Variants in PSD3 observed in about 807,000 individuals in gnomAD.
The protein encoded by PSD3 is PH and SEC7 domain-containing protein 3.
A neutral mutation model predicts 105.5 loss-of-function variants in PSD3; 49 were observed. The ratio of observed to expected loss-of-function variants is 0.46; its 90% CI spans 0.37 to 0.59. The LOEUF is 0.59. PSD3 is among the 20% of genes least tolerant of loss of function. The pLI is 0.00. For missense variants in PSD3, 1,561 were observed against 1,263.8 expected (o/e 1.24, Z -3.57); for synonymous variants, 557 against 457.8 (o/e 1.22, Z -2.77).
At chr8:18,973,847 T>G (rs1824786036) in intron 1 of PSD3, among the ~76,000 whole-genome samples, 1 of 152,234 alleles carries the variant, frequency 6.6e-6, no homozygotes, top group Non-Finnish European at 1.5e-5. Flanking sequence ...GGACTTACTA[T>G]GAACCAAACT....
rs111705184 is a variant in PSD3 at position 18,601,099 on chromosome 8, C to A, written c.2411-665G>T. Among the ~76,000 whole-genome samples the A allele has an allele frequency of 7.8e-3, 1,182 of 152,216 alleles. 17 individuals are homozygous for A. Among genetic ancestry groups the A allele is most frequent in the African/African-American group, 0.027 (1,136 of 41,524 alleles). On this transcript the variant is annotated intron_variant, in intron 11 of 15. Coordinates refer to ENST00000327040, the MANE Select transcript of PSD3 (RefSeq NM_015310.4). ...AGAATTCACCAAATCGAGTATACTG[C>A]AAGACAGACATTAAACACAATCATA...
At chr8:18,791,743 C>T (rs566789150) in intron 8 of PSD3, among the ~76,000 whole-genome samples, 5 of 152,298 alleles carry the variant, frequency 3.3e-5, no homozygotes, top group African/African-American at 1.2e-4. Flanking sequence ...TCCAATCAAA[C>T]TGAACAGCTT....
intron 4 of PSD3, among the ~76,000 whole-genome samples, chr8:18,840,880 G>T (rs1814563007): frequency 6.6e-6 from 1 of 152,168 alleles, no homozygotes; most frequent in Admixed American, 6.5e-5. Context: ...TTAACGGTGT[G>T]ACATTGGGCA....
intron 14 of PSD3, among the ~76,000 whole-genome samples, chr8:18,568,184 G>T (rs1307757020): frequency 6.6e-6 from 1 of 151,982 alleles, no homozygotes; most frequent in Non-Finnish European, 1.5e-5. Flanking sequence ...AATGACCCAG[G>T]CTCTAGTATT....
chr8:18,541,511 T>C (rs750241919), intron 15 of PSD3, among the ~76,000 whole-genome samples: 1 of 152,144 alleles, frequency 6.6e-6, no homozygotes, highest in Non-Finnish European at 1.5e-5. Flanking sequence ...ACAAAAATGC[T>C]AAGGTCTGAC....
chr8:18,916,127 A>G (rs1335806406), intron 2 of PSD3, among the ~76,000 whole-genome samples: 1 of 151,498 alleles, frequency 6.6e-6, no homozygotes, highest in African/African-American at 2.4e-5. Flanking sequence ...TAAAAATAGA[A>G]CTACCATATG....
intron 1 of PSD3, among the ~76,000 whole-genome samples, chr8:18,991,217 G>A (rs560984775): frequency 6.6e-6 from 1 of 152,180 alleles, no homozygotes; most frequent in East Asian, 1.9e-4. Context: ...ATTGAACTAA[G>A]TCAGACTGAA....
intron 4 of PSD3, chr8:18,808,734 A>G: frequency 6.2e-7 from 1 of 1,613,986 alleles, no homozygotes; most frequent in Non-Finnish European, 8.5e-7. Context: ...GCTTGACAAT[A>G]TGATGGCAAT....
rs980726434 is a variant in PSD3, at chr8:18,981,495, G to A, written c.21+32068C>T. 7.0e-4 allele frequency among the ~76,000 whole-genome samples: 107 copies of A among 152,256 alleles called. 1 individual carries two copies. Among genetic ancestry groups the A allele is most frequent in the African/African-American group, 2.3e-3 (96 of 41,548 alleles). On this transcript the variant is annotated intron_variant, in intron 1 of 15. Transcript: ENST00000327040. The stretch of plus-strand genomic sequence containing the variant: ...GATAACCATAAAACAAACTCATCAG[G>A]TTGTTATAAGGAACAAGTAAGCTAG...
chr8:18,558,335 A>C (rs188922419), intron 14 of PSD3, among the ~76,000 whole-genome samples: 1 of 152,176 alleles, frequency 6.6e-6, no homozygotes, highest in Non-Finnish European at 1.5e-5. Flanking sequence ...AGCATGATGT[A>C]TTTTCCTTCT....
At chr8:18,769,098 T>TAA (rs77819510) in intron 8 of PSD3, among the ~76,000 whole-genome samples, 2 of 152,028 alleles carry the variant, frequency 1.3e-5, no homozygotes, top group Admixed American at 1.3e-4. Context: ...TGTCTCAAGG[T>TAA]AAAAAAATAA....
At chr8:18,778,697 A>G (rs1314409216) in intron 8 of PSD3, among the ~76,000 whole-genome samples, 2 of 151,658 alleles carry the variant, frequency 1.3e-5, no homozygotes, top group Non-Finnish European at 2.9e-5. Context: ...TGCATTTGAG[A>G]TGCAAAAATA....
At position 18,872,019 on chromosome 8, in the gene PSD3, C is replaced by G. The variant is rs78452893; in HGVS notation, c.845G>C (p.Gly282Ala). ...QRSALGREHP[G>A]GCDRSSSMGR... ...CATGGAGCTGCTTCGATCACATCCC[C>G]CTGGGTGCTCTCTCCCAAGAGCAGA... The change falls in exon 3 of 16, where the codon GGG becomes GCG. Residue 282 changes from glycine to alanine, a missense_variant. By Grantham distance (60) the Gly-to-Ala change is moderately conservative. Coordinates refer to ENST00000327040, the MANE Select transcript of PSD3 (RefSeq NM_015310.4). The G allele has an allele frequency of 0.067, 107,402 of 1,614,070 alleles. 3,930 individuals are homozygous for G. Among genetic ancestry groups the G allele is most frequent in the Admixed American group, 0.11 (6,546 of 60,010 alleles).
chr8:18,763,860 C>T (rs117800597), intron 9 of PSD3, among the ~76,000 whole-genome samples: 97 of 152,152 alleles, frequency 6.4e-4, no homozygotes, highest in East Asian at 2.7e-3. Flanking sequence ...CCACCATTTT[C>T]GGTATCATTT....
chr8:18,930,859 C>T (rs1177672811), intron 2 of PSD3, among the ~76,000 whole-genome samples: 2 of 152,168 alleles, frequency 1.3e-5, no homozygotes, highest in Admixed American at 6.5e-5. Flanking sequence ...TGAGCCACTG[C>T]GCCTGGCCTT....
rs145907256 is a variant in PSD3 at position 18,603,519 on chromosome 8, T to TA, written c.2411-3086dup. 4.4e-3 allele frequency among the ~76,000 whole-genome samples: 665 copies of TA among 152,330 alleles called. 5 individuals are homozygous for TA. The highest frequency in any genetic ancestry group is 0.015 in the African/African-American group (638 of 41,562). The stretch of plus-strand genomic sequence containing the variant: ...TGTATAATAAATGTCCTTATTTCAT[T>TA]AAAAATTCCAAGTTGATAACTGCTT... On this transcript the variant is annotated intron_variant, in intron 11 of 15. Coordinates refer to ENST00000327040, the MANE Select transcript of PSD3 (RefSeq NM_015310.4).
intron 9 of PSD3, among the ~76,000 whole-genome samples, chr8:18,669,259 T>C (rs1799643737): frequency 1.3e-5 from 2 of 152,180 alleles, no homozygotes; most frequent in African/African-American, 2.4e-5. Context: ...AGTCTCCCGA[T>C]CCTTGGGGGA....
intron 10 of PSD3, among the ~76,000 whole-genome samples, chr8:18,650,058 T>C (rs2130831091): frequency 6.6e-6 from 1 of 152,336 alleles, no homozygotes; most frequent in South Asian, 2.1e-4. Flanking sequence ...AACAGGGAGA[T>C]TTCTTACAAT....
At chr8:18,901,555 G>T (rs1262085501) in intron 2 of PSD3, among the ~76,000 whole-genome samples, 2 of 152,024 alleles carry the variant, frequency 1.3e-5, no homozygotes, top group African/African-American at 4.8e-5. Flanking sequence ...ATTGCAGTTT[G>T]GTGGTTTTCT....
Sources: gnomAD v4.1 joint callset for allele counts (sites outside exome capture counted in the v4.1 genomes callset) on GRCh38, gnomAD v4.1.1 for gene constraint, MANE v1.5 for transcripts, NCBI Gene and HGNC (gene_info 2026-07-23, HGNC 2026-07-21) for gene names.